Variants in BRCA1 observed in about 807,000 individuals in gnomAD.
The protein encoded by BRCA1 is BRCA1 DNA repair associated, also known as breast cancer type 1 susceptibility protein.
In BRCA1, 140 loss-of-function variants were observed where a neutral mutation model predicts 173.7. The observed-to-expected ratio is 0.81, with a 90% confidence interval of 0.70 to 0.93. BRCA1 has a LOEUF of 0.93. BRCA1 is among the 40% of genes least tolerant of loss of function. BRCA1 has a pLI of 0.00. For missense variants in BRCA1, 1,983 were observed against 2,172.5 expected, an observed-to-expected ratio of 0.91 and a Z score of 1.73; for synonymous variants, 662 against 756.0, an observed-to-expected ratio of 0.88 and a Z score of 2.04.
intron 1 of BRCA1, among the ~76,000 whole-genome samples, chr17:43,134,042 A>G (rs1179888394): frequency 5.9e-5 from 9 of 152,158 alleles, no homozygotes; most frequent in Admixed American, 4.6e-4. Flanking sequence ...TTCATCTACA[A>G]TGCCCTTTAC....
In BRCA1 at chr17:43,095,886, T is replaced by C. The variant is rs1555593567; in HGVS notation, c.630A>G (p.Gln210=). The change falls in exon 9 of 23, where the codon CAA becomes CAG. Residue 210 remains glutamine (Q), a synonymous_variant. Transcript: ENST00000357654. ...CCAAACTGATTTCATCCCTGGTTCCTTGAGGGGTGATTTGTAACAATTCTT... is the reference window on the plus strand; with the variant it reads ...CCAAACTGATTTCATCCCTGGTTCCCTGAGGGGTGATTTGTAACAATTCTT... ...GDQELLQITP[Q]GTRDEISLDS... The C allele has an allele frequency of 1.2e-6, 2 of 1,613,904 alleles. No individual in the cohort carries two copies. Among genetic ancestry groups the C allele is most frequent in the African/African-American group, 1.3e-5 (1 of 75,042 alleles).
chr17:43,097,557 A>C (rs1387559343), intron 7 of BRCA1, among the ~76,000 whole-genome samples: 1 of 152,208 alleles, frequency 6.6e-6, no homozygotes, highest in Non-Finnish European at 1.5e-5. Context: ...GTTCAAGACC[A>C]GCCTGGCCAA....
chr17:43,113,630 G>C (rs916466195), intron 3 of BRCA1, among the ~76,000 whole-genome samples: 5 of 151,924 alleles, frequency 3.3e-5, no homozygotes, highest in African/African-American at 9.7e-5. Flanking sequence ...ACCTCCCAAA[G>C]TGCTGGTATT....
intron 1 of BRCA1, among the ~76,000 whole-genome samples, chr17:43,150,095 C>T (rs1424024726): frequency 2.0e-5 from 3 of 151,918 alleles, no homozygotes; most frequent in Admixed American, 6.6e-5. Context: ...CGGCAAGTTT[C>T]TTTTTACTTA....
At chr17:43,089,667 C>T (rs1046911366) in intron 11 of BRCA1, among the ~76,000 whole-genome samples, 1 of 150,990 alleles carries the variant, frequency 6.6e-6, no homozygotes, top group Non-Finnish European at 1.5e-5. Context: ...CCTGCTTTAG[C>T]CTCCCATCTT....
chr17:43,128,583 A>T (rs1384559483), upstream of BRCA1, among the ~76,000 whole-genome samples: 1 of 152,208 alleles, frequency 6.6e-6, no homozygotes, highest in African/African-American at 2.4e-5. Context: ...AGGCAAAGAA[A>T]ATGAGAGAGA....
At chr17:43,128,381 A>G (rs1280285072), upstream of BRCA1, among the ~76,000 whole-genome samples, 1 of 152,216 alleles carries the variant, frequency 6.6e-6, no homozygotes, top group Non-Finnish European at 1.5e-5. Flanking sequence ...AGAAGGAGGT[A>G]ACTCTGAACA....
upstream of BRCA1, among the ~76,000 whole-genome samples, chr17:43,126,929 C>T (rs925209785): frequency 6.6e-6 from 1 of 152,120 alleles, no homozygotes; most frequent in Non-Finnish European, 1.5e-5. Context: ...GGCCCCGCAC[C>T]CCCGGCCCCG....
intron 18 of BRCA1, among the ~76,000 whole-genome samples, chr17:43,057,836 A>AAAAC (rs532984972): frequency 2.6e-4 from 40 of 151,344 alleles, no homozygotes; most frequent in Middle Eastern, 3.4e-3. Context: ...ACTCCGTCTC[A>AAAAC]AAACAAACAA....
chr17:43,145,413 G>A lies in BRCA1; in HGVS notation c.-19-21298C>T, dbSNP rs1367457793. 5.3e-5 allele frequency among the ~76,000 whole-genome samples: 8 copies of A among 149,694 alleles called. No homozygotes were observed. The East Asian group carries it at 6.0e-4, about 11-fold the overall frequency. ...GCGATCTCGGCTCACTGCAAGCTCC[G>A]CCTCCCGGGTTCACGCCATTCTCCT... On this transcript the variant is annotated intron_variant, in intron 1 of 7. Coordinates refer to the BRCA1 transcript ENST00000634433.
chr17:43,052,728 G>T (rs1197008476), intron 19 of BRCA1, among the ~76,000 whole-genome samples: 1 of 150,576 alleles, frequency 6.6e-6, no homozygotes, highest in Non-Finnish European at 1.5e-5. Flanking sequence ...AAAATACACG[G>T]ATGGCCTTTT....
intron 9 of BRCA1, 70 bp from the exon 10 acceptor site, chr17:43,094,930 A>G (rs2054071806): frequency 2.1e-6 from 3 of 1,419,812 alleles, no homozygotes; most frequent in Non-Finnish European, 1.9e-6. Flanking sequence ...TACTTCATAC[A>G]CCTTGGAGGT....
At chr17:43,118,561 A>T (rs962282225) in intron 2 of BRCA1, among the ~76,000 whole-genome samples, 29 of 151,902 alleles carry the variant, frequency 1.9e-4, no homozygotes, top group Non-Finnish European at 3.7e-4. Flanking sequence ...TACTGGGATT[A>T]CAGGAGTGAG....
At position 43,091,733 on chromosome 17, in the gene BRCA1, G is replaced by A. The variant is rs200648498; in HGVS notation, c.3798C>T (p.Ser1266=). ...TEENLLSLKN[S]LNDCSNQVIL... ...TTACCTGGTTACTGCAGTCATTTAAGCTATTCTTCAATGATAATAAATTCT... is the reference window on the plus strand; with the variant it reads ...TTACCTGGTTACTGCAGTCATTTAAACTATTCTTCAATGATAATAAATTCT... The change falls in exon 10 of 23, where the codon AGC becomes AGT. Residue 1266 remains serine (S), a synonymous_variant. Transcript: ENST00000357654. 1 of 1,614,204 alleles carries A rather than the reference G, an allele frequency of 6.2e-7. No homozygotes were observed. Among genetic ancestry groups the A allele is most frequent in the East Asian group, 2.2e-5 (1 of 44,884 alleles).
rs188479441 is a variant in BRCA1, at chr17:43,119,341, T to G, written c.81-3562A>C. 57 of 222,466 alleles carry G rather than the reference T, an allele frequency of 2.6e-4. No homozygotes were observed. In the East Asian group the frequency reaches 3.6e-3, roughly 14 times the overall value. The allele number at this position is 222,466 out of a possible 1,614,324, so 13.8% of individuals were successfully genotyped here. ...ACAGTAACCTTATTGTGAAGGGTTG[T>G]AATACAACTCTTGTAATCATGGGGT... On this transcript the variant is annotated intron_variant, in intron 2 of 22. Transcript: ENST00000357654.
At chr17:43,090,322 C>T (rs971513499) in intron 11 of BRCA1, among the ~76,000 whole-genome samples, 1 of 152,104 alleles carries the variant, frequency 6.6e-6, no homozygotes, top group African/African-American at 2.4e-5. Context: ...TTTCTCACCT[C>T]TCTTGATACA....
intron 6 of BRCA1, among the ~76,000 whole-genome samples, chr17:43,102,845 A>T (rs562197830): frequency 1.3e-5 from 2 of 152,142 alleles, no homozygotes; most frequent in East Asian, 3.9e-4. Flanking sequence ...AATATAGACA[A>T]GGACTTGCTA....
At chr17:43,121,641 C>G (rs1474673201) in intron 2 of BRCA1, among the ~76,000 whole-genome samples, 4 of 141,758 alleles carry the variant, frequency 2.8e-5, no homozygotes, top group African/African-American at 1.0e-4. Context: ...CGAGATTGTG[C>G]CACTGCACTC....
At chr17:43,054,970 G>A (rs956933864) in intron 19 of BRCA1, among the ~76,000 whole-genome samples, 1 of 152,044 alleles carries the variant, frequency 6.6e-6, no homozygotes, top group Non-Finnish European at 1.5e-5. Context: ...GGCTGGTCTC[G>A]AACTCCTGAC....
Sources: allele counts gnomAD v4.1 joint callset (sites outside exome capture counted in the v4.1 genomes callset), GRCh38; gene constraint gnomAD v4.1.1; transcripts MANE v1.5; gene names NCBI Gene and HGNC (gene_info 2026-07-23, HGNC 2026-07-21).